Variants in TSPAN9 observed in about 807,000 individuals in gnomAD.
TSPAN9 encodes the protein tetraspanin-9.
TSPAN9 carries 16 observed loss-of-function variants against 31.0 expected under a neutral mutation model. The ratio of observed to expected loss-of-function variants is 0.52; its 90% CI spans 0.35 to 0.78. TSPAN9 has a LOEUF of 0.78. Among genes scored for constraint, TSPAN9 ranks in the 30% least tolerant of loss-of-function variants. The pLI is 0.01. For missense variants in TSPAN9, 272 were observed against 312.5 expected (o/e 0.87, Z 0.98); for synonymous variants, 145 against 121.6 (o/e 1.19, Z -1.27).
intron 3 of TSPAN9, among the ~76,000 whole-genome samples, chr12:3,269,536 T>C (rs551422362): frequency 1.5e-5 from 2 of 134,524 alleles, no homozygotes; most frequent in Non-Finnish European, 3.1e-5. Context: ...CTCCGTGCGT[T>C]CCTGCAGCCT....
chr12:3,209,556 T>C (rs2098377237), intron 3 of TSPAN9, among the ~76,000 whole-genome samples: 1 of 152,172 alleles, frequency 6.6e-6, no homozygotes, highest in Non-Finnish European at 1.5e-5. Flanking sequence ...TGCATGTGAC[T>C]AGTACACGGT....
In TSPAN9 at chr12:3,138,255, AG is replaced by A. The variant is rs774512959; in HGVS notation, c.-18+54539del. On this transcript the variant is annotated intron_variant, in intron 2 of 8. Transcript: ENST00000011898. ...AGGAATGAGGCATCTCCTTAGTGCC[AG>A]GGAGACGAGAGCCCTGGGGCTGGCT... is the stretch of plus-strand genomic sequence containing the variant. Among the ~76,000 whole-genome samples, 4 of 152,292 alleles carry A rather than the reference AG, an allele frequency of 2.6e-5. No homozygotes were observed. The South Asian group carries it at 8.3e-4, about 32-fold the overall frequency.
intron 3 of TSPAN9, among the ~76,000 whole-genome samples, chr12:3,255,006 C>T (rs182174204): frequency 6.6e-5 from 10 of 152,244 alleles, no homozygotes; most frequent in South Asian, 2.1e-4. Context: ...GCTGCCCTGT[C>T]GCCAAGAGAT....
intron 2 of TSPAN9, among the ~76,000 whole-genome samples, chr12:3,123,095 C>G (rs1447457448): frequency 6.6e-6 from 1 of 152,174 alleles, no homozygotes; most frequent in Admixed American, 6.5e-5. Context: ...TAGTGTTGGT[C>G]TGTCCAGCTG....
chr12:3,099,840 CTTTTTTTT>C (rs899603509), intron 2 of TSPAN9, among the ~76,000 whole-genome samples: 2 of 123,676 alleles, frequency 1.6e-5, no homozygotes, highest in African/African-American at 6.1e-5. Context: ...TCTGTCCACT[CTTTTTTTT>C]TTTTTTTTTT....
chr12:3,283,171 T>C lies in TSPAN9; in HGVS notation c.*55T>C. 1.3e-6 allele frequency: 2 copies of C among 1,583,112 alleles called. No individual in the cohort carries two copies. Among genetic ancestry groups the C allele is most frequent in the Non-Finnish European group, 1.7e-6 (2 of 1,164,496 alleles). ...CTGCTGCCCTGTGGAGGGAAGAGGA[T>C]TGAGCTTTGTGTCACCTGCCTGCGC... is the stretch of plus-strand genomic sequence containing the variant. On this transcript the variant is annotated 3_prime_UTR_variant, in exon 9 of 9. Coordinates refer to ENST00000011898, the MANE Select transcript of TSPAN9 (RefSeq NM_006675.5).
chr12:3,154,439 C>T (rs73051848), intron 2 of TSPAN9, among the ~76,000 whole-genome samples: 14,324 of 152,260 alleles, frequency 0.094, 890 homozygotes, highest in Middle Eastern at 0.16. Flanking sequence ...AAATAGGTCT[C>T]GCTCGCACCC....
intron 2 of TSPAN9, among the ~76,000 whole-genome samples, chr12:3,197,042 C>T (rs1352238076): frequency 1.3e-5 from 2 of 152,172 alleles, no homozygotes; most frequent in East Asian, 1.9e-4. Context: ...TGTTCAGTCT[C>T]ATGTCCTCAG....
At chr12:3,118,571 C>T (rs559200183) in intron 2 of TSPAN9, among the ~76,000 whole-genome samples, 1 of 151,966 alleles carries the variant, frequency 6.6e-6, no homozygotes, top group Admixed American at 6.6e-5. Context: ...AGACCCCTCT[C>T]TGCTCTTTTT....
At chr12:3,142,673 C>A (rs778131117) in intron 2 of TSPAN9, among the ~76,000 whole-genome samples, 5 of 152,188 alleles carry the variant, frequency 3.3e-5, no homozygotes, top group African/African-American at 4.8e-5. Context: ...TGGTGCCCCG[C>A]ATCCCTGCCC....
intron 2 of TSPAN9, among the ~76,000 whole-genome samples, chr12:3,090,295 A>C (rs1290870638): frequency 1.3e-5 from 2 of 152,188 alleles, no homozygotes; most frequent in Non-Finnish European, 2.9e-5. Flanking sequence ...CCACCCCAAA[A>C]TATAGTGGAT....
chr12:3,279,415 C>T (rs1271262427), intron 5 of TSPAN9, among the ~76,000 whole-genome samples: 1 of 152,252 alleles, frequency 6.6e-6, no homozygotes, highest in Non-Finnish European at 1.5e-5. Flanking sequence ...GGATTCAGAC[C>T]TCATCAGGTG....
chr12:3,151,071 A>G (rs2098339506), intron 2 of TSPAN9: 1 of 152,210 alleles, frequency 6.6e-6, no homozygotes, highest in South Asian at 2.1e-4. Flanking sequence ...GTCCCTGAAG[A>G]GCTATAAAAA....
intron 2 of TSPAN9, among the ~76,000 whole-genome samples, chr12:3,190,981 A>G (rs1767602652): frequency 6.6e-6 from 1 of 152,180 alleles, no homozygotes; most frequent in African/African-American, 2.4e-5. Context: ...AGGTGGCATC[A>G]TGGCAGGATT....
intron 3 of TSPAN9, among the ~76,000 whole-genome samples, chr12:3,223,397 T>C (rs558792420): frequency 4.1e-4 from 62 of 152,200 alleles, no homozygotes; most frequent in Admixed American, 2.5e-3. Context: ...GGGACTGTCA[T>C]GTTGAAGCCC....
chr12:3,134,852 C>T (rs991606503), intron 2 of TSPAN9, among the ~76,000 whole-genome samples: 4 of 151,956 alleles, frequency 2.6e-5, no homozygotes, highest in African/African-American at 7.3e-5. Flanking sequence ...AGGGTGATGG[C>T]GTGCAGCGTG....
intron 3 of TSPAN9, among the ~76,000 whole-genome samples, chr12:3,235,960 C>T (rs748634763): frequency 3.3e-5 from 5 of 152,228 alleles, no homozygotes; most frequent in African/African-American, 1.2e-4. Flanking sequence ...TCCAGGATTC[C>T]CCTGGACCTG....
chr12:3,225,318 AG>A (rs977940996), intron 3 of TSPAN9, among the ~76,000 whole-genome samples: 9 of 152,130 alleles, frequency 5.9e-5, no homozygotes, highest in Admixed American at 1.3e-4. Context: ...CAGCCTGCCC[AG>A]GGGGCCTGGA....
chr12:3,080,330 C>CT (rs112960008), intron 1 of TSPAN9, among the ~76,000 whole-genome samples: 1,912 of 151,940 alleles, frequency 0.013, 33 homozygotes, highest in African/African-American at 0.032. Flanking sequence ...AATGTAAAAT[C>CT]TTTTTTTTGT....
Sources: allele counts gnomAD v4.1 joint callset (sites outside exome capture counted in the v4.1 genomes callset), GRCh38; gene constraint gnomAD v4.1.1; transcripts MANE v1.5; gene names NCBI Gene and HGNC (gene_info 2026-07-23, HGNC 2026-07-21).